Variants in IQGAP2 observed in about 807,000 individuals in gnomAD.
The protein encoded by IQGAP2 is IQ motif containing GTPase activating protein 2.
In IQGAP2, 173 loss-of-function variants were observed where a neutral mutation model predicts 201.3. The observed-to-expected ratio is 0.86, with a 90% CI of 0.76 to 0.98. IQGAP2 has a LOEUF of 0.98. Ranked by LOEUF, IQGAP2 falls within the 50% of genes least tolerant of loss-of-function variation. The pLI is 0.00. For synonymous variants in IQGAP2, 675 were observed against 673.9 expected, an observed-to-expected ratio of 1.00 and a Z score of -0.03; for missense variants, 1,687 against 1,864.8, an observed-to-expected ratio of 0.90 and a Z score of 1.76.
chr5:76,633,679 T>C (rs375933483), intron 15 of IQGAP2, among the ~76,000 whole-genome samples: 1 of 152,116 alleles, frequency 6.6e-6, no homozygotes, highest in East Asian at 1.9e-4. Context: ...ACCCAATACT[T>C]ATTAGCAGTA....
rs919359237 is a variant in IQGAP2 at position 76,403,775 on chromosome 5, C to T, written c.46+184C>T. Reference sequence around the variant, plus strand: ...CAGTGAATCGCGTCCCCCCGCTCCTCCCGCCCCCCAATTCCTAATATCCAG... The same window carrying T: ...CAGTGAATCGCGTCCCCCCGCTCCTTCCGCCCCCCAATTCCTAATATCCAG... On this transcript the variant is annotated intron_variant, in intron 1 of 35. Coordinates refer to ENST00000274364, the MANE Select transcript of IQGAP2 (RefSeq NM_006633.5). This position sits in a 1 kb window ranked among gnomAD's most constrained non-coding sequence, Gnocchi z 4.8. 2.0e-5 allele frequency among the ~76,000 whole-genome samples: 3 copies of T among 152,128 alleles called. No individual in the cohort carries two copies. The highest frequency in any genetic ancestry group is 7.2e-5 in the African/African-American group (3 of 41,434).
intron 1 of IQGAP2, among the ~76,000 whole-genome samples, chr5:76,414,780 G>T (rs1204143418): frequency 2.4e-4 from 36 of 152,190 alleles, no homozygotes; most frequent in Admixed American, 6.5e-5. Context: ...TCCTTCCTCA[G>T]TTCTCCAGTC....
chr5:76,480,268 T>C lies in IQGAP2; in HGVS notation c.146+18599T>C, dbSNP rs114750540. Among the ~76,000 whole-genome samples, 411 of 152,296 alleles carry C rather than the reference T, an allele frequency of 2.7e-3. 5 individuals are homozygous for C. The highest frequency in any genetic ancestry group is 9.3e-3 in the African/African-American group (385 of 41,564). Reference sequence around the variant, plus strand: ...CACATATTTCACATACCCTCTGTTCTGGATGGAGCTGAGCTCAAGGGACTG... The same window carrying C: ...CACATATTTCACATACCCTCTGTTCCGGATGGAGCTGAGCTCAAGGGACTG... On this transcript the variant is annotated intron_variant, in intron 2 of 35. Coordinates refer to ENST00000274364, the MANE Select transcript of IQGAP2 (RefSeq NM_006633.5).
At chr5:76,662,408 C>G (rs1743339147) in intron 21 of IQGAP2, among the ~76,000 whole-genome samples, 1 of 152,210 alleles carries the variant, frequency 6.6e-6, no homozygotes, top group Non-Finnish European at 1.5e-5. Context: ...CACCCCTACC[C>G]TCTCATCTGT....
At position 76,597,496 on chromosome 5, in the gene IQGAP2, C is replaced by G. The variant is rs375606140; in HGVS notation, c.965C>G (p.Thr322Arg). The change falls in exon 10 of 36, where the codon ACG becomes AGG. Residue 322 changes from threonine to arginine, a missense_variant. By Grantham distance (71) the Thr-to-Arg change is moderately conservative. Transcript: ENST00000274364. Reference sequence around the variant, plus strand: ...ATTCCGGAAGGTGACCCCGAGAATACGCTGCTTGCACTGAAGAAACCAGAG... The same window carrying G: ...ATTCCGGAAGGTGACCCCGAGAATAGGCTGCTTGCACTGAAGAAACCAGAG... ...AVIPEGDPEN[T>R]LLALKKPEAQ... The G allele has an allele frequency of 6.2e-7, 1 of 1,613,956 alleles. No individual in the cohort carries two copies.
chr5:76,427,514 A>G (rs1428909425), intron 1 of IQGAP2, among the ~76,000 whole-genome samples: 2 of 152,104 alleles, frequency 1.3e-5, no homozygotes, highest in African/African-American at 4.8e-5. Context: ...TGTTCCCACA[A>G]CTTAAAACTA....
At chr5:76,583,431 C>T (rs1353746844) in intron 5 of IQGAP2, among the ~76,000 whole-genome samples, 1 of 151,500 alleles carries the variant, frequency 6.6e-6, no homozygotes, top group African/African-American at 2.4e-5. Context: ...GTTTAAACCT[C>T]AACATCAATG....
chr5:76,602,869 T>C (rs1480849778), intron 11 of IQGAP2, among the ~76,000 whole-genome samples: 1 of 152,200 alleles, frequency 6.6e-6, no homozygotes, highest in African/African-American at 2.4e-5. Flanking sequence ...GACAAATTCA[T>C]GCAAAGTCTC....
intron 2 of IQGAP2, among the ~76,000 whole-genome samples, chr5:76,466,563 G>A (rs1189257308): frequency 3.3e-5 from 5 of 152,186 alleles, no homozygotes; most frequent in African/African-American, 1.2e-4. Context: ...CTGGTAAACT[G>A]ATTTTCATCA....
At chr5:76,525,489 G>A (rs1372046599) in intron 2 of IQGAP2, among the ~76,000 whole-genome samples, 2 of 151,874 alleles carry the variant, frequency 1.3e-5, no homozygotes, top group African/African-American at 2.4e-5. Flanking sequence ...TCTGTGTAGG[G>A]ACCCATTTTA....
chr5:76,693,574 C>T (rs968283310), intron 31 of IQGAP2, 132 bp downstream of exon 31: 7 of 634,476 alleles, frequency 1.1e-5, no homozygotes, highest in Admixed American at 3.0e-5. Context: ...TTATCTATTA[C>T]TGCAGTGGAC....
Position 76,626,971 on chromosome 5 carries a change from G to C in IQGAP2, c.1522-439G>C, listed in dbSNP as rs71630928. Among the ~76,000 whole-genome samples the C allele has an allele frequency of 7.8e-3, 1,182 of 152,262 alleles. 9 individuals are homozygous for C. The highest frequency in any genetic ancestry group is 0.013 in the Non-Finnish European group (905 of 68,016). On this transcript the variant is annotated intron_variant, in intron 13 of 35. Transcript: ENST00000274364. ...TGCAGCCAGAGAGGCAGTAGGCAGG[G>C]CCATGCCGTTGGAGCCCCGCCATCC...
intron 2 of IQGAP2, among the ~76,000 whole-genome samples, chr5:76,548,013 A>G (rs1045530568): frequency 6.6e-6 from 1 of 152,180 alleles, no homozygotes; most frequent in African/African-American, 2.4e-5. Flanking sequence ...ACTGGTGGCC[A>G]CTTGCCTACC....
chr5:76,695,988 G>A (rs968087864), intron 32 of IQGAP2, among the ~76,000 whole-genome samples: 1 of 151,650 alleles, frequency 6.6e-6, no homozygotes, highest in African/African-American at 2.4e-5. Context: ...CTACAGGCAC[G>A]CACCACCACG....
intron 1 of IQGAP2, among the ~76,000 whole-genome samples, chr5:76,442,477 G>T (rs1006116897): frequency 6.6e-6 from 1 of 152,140 alleles, no homozygotes; most frequent in African/African-American, 2.4e-5. Flanking sequence ...TAATGGGGAG[G>T]GAAAGGAATG....
At chr5:76,577,243 G>A (rs1204477888) in intron 5 of IQGAP2, among the ~76,000 whole-genome samples, 4 of 147,894 alleles carry the variant, frequency 2.7e-5, no homozygotes, top group African/African-American at 1.0e-4. Context: ...GTGATATCAT[G>A]GTTCTCCTAA....
intron 5 of IQGAP2, among the ~76,000 whole-genome samples, chr5:76,580,692 C>T (rs978913036): frequency 6.6e-6 from 1 of 152,098 alleles, no homozygotes; most frequent in African/African-American, 2.4e-5. Flanking sequence ...ATTGTTTCAG[C>T]TTGGTCAGTC....
intron 20 of IQGAP2, among the ~76,000 whole-genome samples, chr5:76,657,182 G>A (rs1018375436): frequency 6.6e-6 from 1 of 152,242 alleles, no homozygotes; most frequent in Non-Finnish European, 1.5e-5. Flanking sequence ...CGATGGGACT[G>A]TTAATACATA....
chr5:76,611,451 A>G (rs1248341375), intron 13 of IQGAP2, among the ~76,000 whole-genome samples: 1 of 152,140 alleles, frequency 6.6e-6, no homozygotes, highest in African/African-American at 2.4e-5. Flanking sequence ...TTCATTGACT[A>G]TTTCCTTAGT....
Sources: allele counts gnomAD v4.1 joint callset (sites outside exome capture counted in the v4.1 genomes callset), GRCh38; gene constraint gnomAD v4.1.1; non-coding constraint Gnocchi (gnomAD v3.1); transcripts MANE v1.5; gene names NCBI Gene and HGNC (gene_info 2026-07-23, HGNC 2026-07-21).